Variants in GRIK2 observed in about 807,000 individuals in gnomAD.
GRIK2 encodes the protein glutamate receptor ionotropic, kainate 2.
GRIK2 carries 32 observed loss-of-function variants against 100.3 expected under a neutral mutation model. That is an observed-to-expected ratio of 0.32 (90% CI 0.24 to 0.43). The LOEUF (loss-of-function observed/expected upper bound fraction) is 0.43, where lower values mean the gene tolerates loss of function less well. GRIK2 is among the 20% of genes least tolerant of loss of function. GRIK2 has a pLI of 1.00. For missense variants in GRIK2, 843 were observed against 1,114.9 expected (o/e 0.76, Z 3.47); for synonymous variants, 417 against 389.4 (o/e 1.07, Z -0.83).
intron 8 of GRIK2, among the ~76,000 whole-genome samples, chr6:101,800,330 G>A (rs1384578364): frequency 2.6e-5 from 4 of 151,630 alleles, no homozygotes; most frequent in African/African-American, 9.7e-5. Context: ...GTCTGTTATA[G>A]ATCAAGAATA....
At chr6:101,561,081 A>AT (rs1776988824) in intron 2 of GRIK2, among the ~76,000 whole-genome samples, 1 of 152,154 alleles carries the variant, frequency 6.6e-6, no homozygotes, top group Non-Finnish European at 1.5e-5. Context: ...CCAGCAGCAG[A>AT]TTTTTTCATA....
At chr6:101,531,210 A>C (rs966462833) in intron 2 of GRIK2, among the ~76,000 whole-genome samples, 1 of 151,946 alleles carries the variant, frequency 6.6e-6, no homozygotes, top group African/African-American at 2.4e-5. Context: ...CTTTTCCTTT[A>C]GTCAAAATTG....
intron 14 of GRIK2, among the ~76,000 whole-genome samples, chr6:101,981,842 T>C (rs900695009): frequency 6.6e-6 from 1 of 151,876 alleles, no homozygotes; most frequent in African/African-American, 2.4e-5. Flanking sequence ...AAGTTGAAGA[T>C]GAGAAAGTAC....
chr6:101,802,261 AC>A, intron 8 of GRIK2, 69 bp from the exon 9 acceptor site: 1 of 544,350 alleles, frequency 1.8e-6, no homozygotes, highest in Admixed American at 3.0e-5. Context: ...TAAGTTTCCT[AC>A]TTTTGTGAAA....
intron 2 of GRIK2, among the ~76,000 whole-genome samples, chr6:101,513,454 A>G (rs1438228144): frequency 6.6e-6 from 1 of 152,188 alleles, no homozygotes; most frequent in Non-Finnish European, 1.5e-5. Flanking sequence ...AGTGTCTGGA[A>G]GAAAAAGATC....
chr6:101,936,520 T>G (rs1790627012), intron 14 of GRIK2, among the ~76,000 whole-genome samples: 1 of 152,128 alleles, frequency 6.6e-6, no homozygotes. Flanking sequence ...TTTATTTGTG[T>G]AGTAAGGAAG....
At chr6:101,467,253 A>G (rs1771695660) in intron 2 of GRIK2, among the ~76,000 whole-genome samples, 1 of 152,240 alleles carries the variant, frequency 6.6e-6, no homozygotes, top group African/African-American at 2.4e-5. Context: ...AAAGTGAATA[A>G]GAGAAAAAGC....
At chr6:101,745,002 A>G (rs1433345387) in intron 7 of GRIK2, 1 of 152,176 alleles carries the variant, frequency 6.6e-6, no homozygotes, top group Non-Finnish European at 1.5e-5. Flanking sequence ...AAAAGCAAGC[A>G]AAGTATTTTA....
At position 101,536,195 on chromosome 6, in the gene GRIK2, G is replaced by T. The variant is rs892578786; in HGVS notation, c.116-85754G>T. Among the ~76,000 whole-genome samples, 3 of 151,578 alleles carry T rather than the reference G, an allele frequency of 2.0e-5. No homozygotes were observed. The South Asian group carries it at 6.2e-4, about 31-fold the overall frequency. On this transcript the variant is annotated intron_variant, in intron 2 of 16. Transcript: ENST00000369134. The stretch of plus-strand genomic sequence containing the variant: ...CCCACTATTTCTAATAATAAAAAGC[G>T]TTCAGGGATGATGTACATTGCTTCA...
chr6:101,454,798 G>A (rs1770906393), intron 2 of GRIK2, among the ~76,000 whole-genome samples: 1 of 152,002 alleles, frequency 6.6e-6, no homozygotes, highest in African/African-American at 2.4e-5. Context: ...GATTACATGA[G>A]CATTGGTTTC....
intron 12 of GRIK2, among the ~76,000 whole-genome samples, chr6:101,914,004 T>C (rs1788931645): frequency 6.6e-6 from 1 of 151,284 alleles, no homozygotes; most frequent in African/African-American, 2.4e-5. Flanking sequence ...TACTTAATAG[T>C]CATAAATAGA....
chr6:101,592,211 G>A (rs72961142), intron 2 of GRIK2, among the ~76,000 whole-genome samples: 6,355 of 151,876 alleles, frequency 0.042, 194 homozygotes, highest in Middle Eastern at 0.1. Context: ...CATGCCTCAG[G>A]TATTACTTTA....
intron 7 of GRIK2, among the ~76,000 whole-genome samples, chr6:101,700,101 G>C (rs1772779979): frequency 1.3e-5 from 2 of 152,004 alleles, no homozygotes. Context: ...AGTGAGCCGT[G>C]ATCATGCAAC....
chr6:101,794,074 T>G (rs1780105630), intron 7 of GRIK2, among the ~76,000 whole-genome samples: 1 of 152,152 alleles, frequency 6.6e-6, no homozygotes, highest in Non-Finnish European at 1.5e-5. Context: ...AAGCGCAGTA[T>G]TCGGGTGGGA....
intron 13 of GRIK2, among the ~76,000 whole-genome samples, chr6:101,925,167 T>G (rs1221346544): frequency 6.6e-6 from 1 of 152,122 alleles, no homozygotes; most frequent in Non-Finnish European, 1.5e-5. Context: ...GTAAATTTAC[T>G]GCCTATAAAT....
intron 14 of GRIK2, among the ~76,000 whole-genome samples, chr6:102,033,965 AT>A (rs1158539022): frequency 6.6e-5 from 10 of 151,544 alleles, no homozygotes; most frequent in Admixed American, 2.0e-4. Context: ...TTAAAAAAAA[AT>A]GTTTGATGTG....
chr6:101,889,110 TGA>T (rs1369436113), intron 11 of GRIK2, among the ~76,000 whole-genome samples: 3 of 152,090 alleles, frequency 2.0e-5, no homozygotes, highest in Non-Finnish European at 2.9e-5. Context: ...AGAATCACAC[TGA>T]GAGATGTTTC....
At chr6:101,763,340 G>A (rs939459773) in intron 7 of GRIK2, among the ~76,000 whole-genome samples, 1 of 152,154 alleles carries the variant, frequency 6.6e-6, no homozygotes, top group African/African-American at 2.4e-5. Context: ...TGAATGTGAG[G>A]TTTCTAGAAA....
At chr6:101,787,464 T>C (rs974808180) in intron 7 of GRIK2, among the ~76,000 whole-genome samples, 2 of 152,128 alleles carry the variant, frequency 1.3e-5, no homozygotes, top group Non-Finnish European at 2.9e-5. Flanking sequence ...TTAACACTGC[T>C]TTTCCTGTAT....
Sources: allele counts gnomAD v4.1 joint callset (sites outside exome capture counted in the v4.1 genomes callset), GRCh38; gene constraint gnomAD v4.1.1; transcripts MANE v1.5; gene names NCBI Gene and HGNC (gene_info 2026-07-23, HGNC 2026-07-21).